The following DYNC2H1 variants were observed in gnomAD, a reference collection of about 807,000 sequenced individuals.
DYNC2H1 encodes cytoplasmic dynein 2 heavy chain 1.
A neutral mutation model predicts 570.0 loss-of-function variants in DYNC2H1; 410 were observed. That is an observed-to-expected ratio of 0.72 (90% CI 0.66 to 0.78). DYNC2H1 has a LOEUF of 0.78. Among genes scored for constraint, DYNC2H1 ranks in the 30% least tolerant of loss-of-function variants. The pLI is 0.00. For synonymous variants in DYNC2H1, 1,688 were observed against 1,677.6 expected, an observed-to-expected ratio of 1.01 and a Z score of -0.15; for missense variants, 4,865 against 5,046.4, an observed-to-expected ratio of 0.96 and a Z score of 1.09.
At chr11:103,359,172 C>G (rs1314240491) in intron 83 of DYNC2H1, among the ~76,000 whole-genome samples, 1 of 152,162 alleles carries the variant, frequency 6.6e-6, no homozygotes, top group Non-Finnish European at 1.5e-5. Flanking sequence ...GTTTTTGCTC[C>G]ACATTTGATT....
chr11:103,235,961 C>T, intron 62 of DYNC2H1, 148 bp downstream of exon 62: 1 of 984,680 alleles, frequency 1.0e-6, no homozygotes, highest in South Asian at 2.4e-5. Flanking sequence ...CAAGGATACC[C>T]TAGCTACTTT....
chr11:103,427,468 T>C (rs2511495), intron 84 of DYNC2H1, among the ~76,000 whole-genome samples: 84,395 of 151,992 alleles, frequency 0.56, 24,073 homozygotes, highest in East Asian at 0.72. Flanking sequence ...CTGTAGATAG[T>C]ATAATCTGTT....
intron 80 of DYNC2H1, among the ~76,000 whole-genome samples, chr11:103,318,750 T>G (rs943877772): frequency 7.2e-5 from 11 of 152,084 alleles, no homozygotes; most frequent in Non-Finnish European, 1.6e-4. Context: ...AAATTCTACA[T>G]CAGAAAAGTA....
intron 60 of DYNC2H1, among the ~76,000 whole-genome samples, chr11:103,233,797 T>A (rs969736732): frequency 6.6e-6 from 1 of 151,362 alleles, no homozygotes; most frequent in Non-Finnish European, 1.5e-5. Flanking sequence ...GGAGGCCCTG[T>A]CAAGTTTTTT....
chr11:103,393,629 G>A lies in DYNC2H1; in HGVS notation c.12157-6034G>A, dbSNP rs74487383. Among the ~76,000 whole-genome samples the A allele has an allele frequency of 6.7e-3, 1,021 of 152,254 alleles. 9 individuals carry two copies. Among genetic ancestry groups the A allele is most frequent in the African/African-American group, 0.023 (966 of 41,540 alleles). On this transcript the variant is annotated intron_variant, in intron 83 of 88. Transcript: ENST00000375735. ...TATTAGTGTTCTGTAGGTTTCTCCTGATTTTTCTTTTAGAAATATGTAATA... is the reference window on the plus strand; with the variant it reads ...TATTAGTGTTCTGTAGGTTTCTCCTAATTTTTCTTTTAGAAATATGTAATA...
At chr11:103,361,952 C>A (rs1940663932) in intron 83 of DYNC2H1, among the ~76,000 whole-genome samples, 1 of 152,002 alleles carries the variant, frequency 6.6e-6, no homozygotes, top group Non-Finnish European at 1.5e-5. Flanking sequence ...TCACTGGTGA[C>A]CTTGACAAGT....
Position 103,151,870 on chromosome 11 carries a change from C to T in DYNC2H1, c.2947-266C>T, listed in dbSNP as rs956597292. On this transcript the variant is annotated intron_variant, in intron 20 of 88. Coordinates refer to ENST00000375735, the MANE Select transcript of DYNC2H1 (RefSeq NM_001377.3). This position sits in a 1 kb window ranked among gnomAD's most constrained non-coding sequence, Gnocchi z 4.6. ...TATCTTTATGGATTTCATTTAGTCTCATATTACTACTTTATCTTTTTTAAC... is the reference window on the plus strand; with the variant it reads ...TATCTTTATGGATTTCATTTAGTCTTATATTACTACTTTATCTTTTTTAAC... 6.6e-6 allele frequency among the ~76,000 whole-genome samples: 1 copy of T among 152,078 alleles called. No individual in the cohort carries two copies. Among genetic ancestry groups the T allele is most frequent in the Non-Finnish European group, 1.5e-5 (1 of 68,010 alleles).
intron 82 of DYNC2H1, among the ~76,000 whole-genome samples, chr11:103,343,545 A>T (rs1939585586): frequency 6.6e-6 from 1 of 152,126 alleles, no homozygotes; most frequent in Non-Finnish European, 1.5e-5. Context: ...CCCTCAGGCA[A>T]GCAGGCCTAA....
rs934679328 is a variant in DYNC2H1 at position 103,209,560 on chromosome 11, A to G, written c.8455-316A>G. On this transcript the variant is annotated intron_variant, in intron 52 of 88. Transcript: ENST00000375735. This position sits in a 1 kb window ranked among gnomAD's most constrained non-coding sequence, Gnocchi z 4.2. ...TTATGCCAAATAAAATATTTTTATT[A>G]TTGTATGTTTTTAAATGACATTGTG... is the stretch of plus-strand genomic sequence containing the variant. Among the ~76,000 whole-genome samples the G allele has an allele frequency of 1.3e-5, 2 of 151,978 alleles. No individual in the cohort carries two copies. The highest frequency in any genetic ancestry group is 2.9e-5 in the Non-Finnish European group (2 of 67,906).
chr11:103,140,565 T>C (rs1859854043), intron 17 of DYNC2H1, among the ~76,000 whole-genome samples: 1 of 152,232 alleles, frequency 6.6e-6, no homozygotes, highest in Admixed American at 6.5e-5. Flanking sequence ...TTGTAGAGTT[T>C]CTGCTGAGAG....
intron 72 of DYNC2H1, 77 bp downstream of exon 72, chr11:103,282,306 T>C: frequency 1.6e-6 from 2 of 1,256,932 alleles, no homozygotes; most frequent in Non-Finnish European, 2.3e-6. Flanking sequence ...TATAATTTGC[T>C]TCAGAGGTGT....
chr11:103,249,519 A>G lies in DYNC2H1; in HGVS notation c.10043-3766A>G, dbSNP rs1047149571. On this transcript the variant is annotated intron_variant, in intron 65 of 88. Coordinates refer to ENST00000375735, the MANE Select transcript of DYNC2H1 (RefSeq NM_001377.3). The surrounding 1 kb of genome is among the most constrained non-coding windows in gnomAD (Gnocchi z 4.6). The stretch of plus-strand genomic sequence containing the variant: ...CTTACTTACTACACCTCTTCTCCAC[A>G]AGGATAACCACATTCCTAACTTACA... Among the ~76,000 whole-genome samples, 18 of 151,962 alleles carry G rather than the reference A, an allele frequency of 1.2e-4. No individual in the cohort carries two copies. Among genetic ancestry groups the G allele is most frequent in the African/African-American group, 4.3e-4 (18 of 41,424 alleles).
intron 69 of DYNC2H1, among the ~76,000 whole-genome samples, chr11:103,258,771 G>A (rs958468350): frequency 6.6e-6 from 1 of 152,156 alleles, no homozygotes; most frequent in African/African-American, 2.4e-5. Flanking sequence ...GTATTGTACT[G>A]GCTGAAGCAG....
rs1565503843 is a variant in DYNC2H1, at chr11:103,334,492, G to T, written c.12039+10502G>T. On this transcript the variant is annotated intron_variant, in intron 82 of 88. Coordinates refer to ENST00000375735, the MANE Select transcript of DYNC2H1 (RefSeq NM_001377.3). This position sits in a 1 kb window ranked among gnomAD's most constrained non-coding sequence, Gnocchi z 4.3. The stretch of plus-strand genomic sequence containing the variant: ...CATTCTAACAATTCCATGTAATGAA[G>T]TTTTTTTTAATTACAAAAACCATTT... Among the ~76,000 whole-genome samples, 4 of 151,854 alleles carry T rather than the reference G, an allele frequency of 2.6e-5. No homozygotes were observed. Among genetic ancestry groups the T allele is most frequent in the African/African-American group, 9.7e-5 (4 of 41,336 alleles).
Position 103,419,828 on chromosome 11 carries a change from C to T in DYNC2H1, c.12367-16115C>T, listed in dbSNP as rs141230528. ...GTAGGCTTCAGAAGGTGTGTAATAA[C>T]GAAATTTGCTGAGCTAAAGGAGCAT... On this transcript the variant is annotated intron_variant, in intron 84 of 88. Transcript: ENST00000375735. 1.3e-3 allele frequency among the ~76,000 whole-genome samples: 198 copies of T among 152,026 alleles called. 2 individuals are homozygous for T. The highest frequency in any genetic ancestry group is 4.5e-3 in the African/African-American group (185 of 41,472).
Position 103,461,330 on chromosome 11 carries a change from G to A in DYNC2H1, c.12648+4974G>A, listed in dbSNP as rs561223483. On this transcript the variant is annotated intron_variant, in intron 87 of 88. Coordinates refer to ENST00000375735, the MANE Select transcript of DYNC2H1 (RefSeq NM_001377.3). This position sits in a 1 kb window ranked among gnomAD's most constrained non-coding sequence, Gnocchi z 4.8. ...TTTTTTTAAAATCTCTATCACCATA[G>A]ACTGAATTAAACAGTGAGGCTGTAG... 1.3e-5 allele frequency among the ~76,000 whole-genome samples: 2 copies of A among 151,978 alleles called. No individual in the cohort carries two copies. The highest frequency in any genetic ancestry group is 2.9e-5 in the Non-Finnish European group (2 of 67,996).
chr11:103,389,812 T>G (rs1468496205), intron 83 of DYNC2H1, among the ~76,000 whole-genome samples: 2 of 152,026 alleles, frequency 1.3e-5, no homozygotes, highest in Non-Finnish European at 1.5e-5. Context: ...TGGTTTTGAG[T>G]GAGTTTCTTA....
chr11:103,405,800 T>C (rs541920328), intron 84 of DYNC2H1: 1 of 151,872 alleles, frequency 6.6e-6, no homozygotes, highest in Non-Finnish European at 1.5e-5. Context: ...CTGATGTCTT[T>C]GTGGGTAGTT....
chr11:103,455,155 T>C, intron 85 of DYNC2H1, 31 bp from the exon 86 acceptor site: 1 of 1,510,978 alleles, frequency 6.6e-7, no homozygotes, highest in Non-Finnish European at 9.2e-7. Flanking sequence ...AGTGTGTGTG[T>C]ATTTATATGT....
Sources: allele counts gnomAD v4.1 joint callset (sites outside exome capture counted in the v4.1 genomes callset), GRCh38; gene constraint gnomAD v4.1.1; non-coding constraint Gnocchi (gnomAD v3.1); transcripts MANE v1.5; gene names NCBI Gene and HGNC (gene_info 2026-07-23, HGNC 2026-07-21).